Variants in FDX1 observed in about 807,000 individuals in gnomAD.
The protein encoded by FDX1 is ferredoxin 1, also known as adrenodoxin, mitochondrial.
Under a neutral mutation model 14.9 loss-of-function variants are expected in FDX1, and 9 were observed. That is an observed-to-expected ratio of 0.60 (90% confidence interval 0.36 to 1.05). FDX1 has a LOEUF of 1.05. Ranked by LOEUF, FDX1 falls within the 50% of genes least tolerant of loss-of-function variation. The probability of loss-of-function intolerance (pLI) is 0.01; values close to 1 mark genes in which losing one functional copy is unlikely to be tolerated. For missense variants in FDX1, 204 were observed against 237.2 expected (o/e 0.86, Z 0.92); for synonymous variants, 92 against 99.4 (o/e 0.93, Z 0.44).
chr11:110,430,674 A>T (rs1946324731), intron 1 of FDX1, among the ~76,000 whole-genome samples: 1 of 151,866 alleles, frequency 6.6e-6, no homozygotes, highest in Admixed American at 6.6e-5. Context: ...TCTGCCCGAA[A>T]CTGGCAGTGA....
intron 2 of FDX1, among the ~76,000 whole-genome samples, chr11:110,450,771 C>T (rs949697854): frequency 6.6e-6 from 1 of 152,106 alleles, no homozygotes; most frequent in Non-Finnish European, 1.5e-5. Context: ...TCTCATAAAA[C>T]ATCACTTTGT....
intron 2 of FDX1, among the ~76,000 whole-genome samples, chr11:110,443,847 G>C (rs949532756): frequency 6.6e-6 from 1 of 151,792 alleles, no homozygotes; most frequent in Non-Finnish European, 1.5e-5. Context: ...TTTCATGTTT[G>C]TTGGCTGCTT....
intron 1 of FDX1, among the ~76,000 whole-genome samples, chr11:110,435,447 G>A (rs1338794088): frequency 6.6e-6 from 1 of 152,234 alleles, no homozygotes; most frequent in African/African-American, 2.4e-5. Context: ...ACCAGGTGGC[G>A]TTGACCAGGT....
intron 2 of FDX1, among the ~76,000 whole-genome samples, chr11:110,455,039 C>T (rs1946513204): frequency 6.6e-6 from 1 of 152,220 alleles, no homozygotes; most frequent in Non-Finnish European, 1.5e-5. Flanking sequence ...TGGAGTCTCA[C>T]TCTGTCGCCC....
chr11:110,444,670 A>ATATATATATATACATG (rs1946429150), intron 2 of FDX1, among the ~76,000 whole-genome samples: 1 of 71,406 alleles, frequency 1.4e-5, no homozygotes, highest in African/African-American at 6.5e-5. Flanking sequence ...ATATACGTAT[A>ATATATATATATACATG]TATATATATA....
chr11:110,439,812 C>G (rs368853260), intron 2 of FDX1, among the ~76,000 whole-genome samples: 1 of 152,124 alleles, frequency 6.6e-6, no homozygotes, highest in African/African-American at 2.4e-5. Flanking sequence ...AGCTTTAGAT[C>G]TTACATTTAA....
rs1457206534 is a variant in FDX1, at chr11:110,456,031, G to A, written c.311-887G>A. 1.1e-4 allele frequency among the ~76,000 whole-genome samples: 16 copies of A among 152,154 alleles called. No individual in the cohort carries two copies. The South Asian group carries it at 2.7e-3, about 26-fold the overall frequency. On this transcript the variant is annotated intron_variant, in intron 2 of 3. Transcript: ENST00000260270. ...TAGTTCTCTCATCACAGTGTCTGGC[G>A]TACGATATGTATTCAGTAAACCACT...
At chr11:110,453,119 C>T (rs1408717216) in intron 2 of FDX1, among the ~76,000 whole-genome samples, 1 of 152,056 alleles carries the variant, frequency 6.6e-6, no homozygotes, top group Non-Finnish European at 1.5e-5. Context: ...GGCAGATCAC[C>T]TGAGGTCAGG....
chr11:110,447,726 C>T (rs188908455), intron 2 of FDX1, among the ~76,000 whole-genome samples: 78 of 152,312 alleles, frequency 5.1e-4, no homozygotes, highest in African/African-American at 1.8e-3. Context: ...AGCTTTTCAT[C>T]TATCAAATCT....
upstream of FDX1, among the ~76,000 whole-genome samples, chr11:110,429,438 G>T (rs1485356367): frequency 6.6e-6 from 1 of 152,162 alleles, no homozygotes; most frequent in Non-Finnish European, 1.5e-5. Flanking sequence ...GTTCAGTCTC[G>T]TGGGTTTCAT....
intron 2 of FDX1, among the ~76,000 whole-genome samples, chr11:110,444,168 G>C (rs1031692600): frequency 6.6e-6 from 1 of 151,970 alleles, no homozygotes; most frequent in Non-Finnish European, 1.5e-5. Flanking sequence ...TTCCTTGATT[G>C]TCTTTTTTAT....
At chr11:110,436,447 C>T (rs1471311655) in intron 2 of FDX1, among the ~76,000 whole-genome samples, 1 of 152,164 alleles carries the variant, frequency 6.6e-6, no homozygotes, top group African/African-American at 2.4e-5. Flanking sequence ...CTTCCTCAGG[C>T]GTACCCTGTA....
At chr11:110,443,304 C>A in intron 2 of FDX1, among the ~76,000 whole-genome samples, 1 of 141,964 alleles carries the variant, frequency 7.0e-6, no homozygotes, top group Admixed American at 7.2e-5. Flanking sequence ...AGGAAAATGT[C>A]TCAAGTTTTA....
At chr11:110,451,759 G>T (rs1356473262) in intron 2 of FDX1, among the ~76,000 whole-genome samples, 1 of 152,168 alleles carries the variant, frequency 6.6e-6, no homozygotes, top group Non-Finnish European at 1.5e-5. Flanking sequence ...AGCCGTAGAA[G>T]GAACAAGATC....
intron 3 of FDX1, among the ~76,000 whole-genome samples, chr11:110,457,673 T>A (rs527623103): frequency 1.3e-5 from 2 of 152,284 alleles, no homozygotes; most frequent in South Asian, 4.1e-4. Context: ...AATGAGGGCA[T>A]ATTACTTAAT....
At position 110,435,852 on chromosome 11, in the gene FDX1, A is replaced by G. The variant is rs1565379590; in HGVS notation, c.204A>G (p.Thr68=). 1 of 1,604,582 alleles carries G rather than the reference A, an allele frequency of 6.2e-7. No homozygotes were observed. The highest frequency in any genetic ancestry group is 8.5e-7 in the Non-Finnish European group (1 of 1,174,786). The part of the protein sequence containing the change: ...RARSSSEDKI[T]VHFINRDGET... ...TTTCCAGCTCAGAAGATAAAATAAC[A>G]GTCCACTTTATAAACCGTGATGGTG... Residue 68 remains threonine, a synonymous_variant, in exon 2 of 4, where the codon ACA becomes ACG. Coordinates refer to ENST00000260270, the MANE Select transcript of FDX1 (RefSeq NM_004109.5).
intron 1 of FDX1, 66 bp downstream of exon 1, chr11:110,430,371 T>C: frequency 4.6e-6 from 5 of 1,079,048 alleles, no homozygotes; most frequent in Non-Finnish European, 5.8e-6. Context: ...CGCCTGGCTC[T>C]CTGGGCCGAG....
At chr11:110,436,644 T>G (rs1357444108) in intron 2 of FDX1, among the ~76,000 whole-genome samples, 1 of 135,078 alleles carries the variant, frequency 7.4e-6, no homozygotes, top group Non-Finnish European at 1.5e-5. Flanking sequence ...CAGCATTGCA[T>G]GTTGTAACAG....
chr11:110,456,807 C>T, intron 2 of FDX1, 111 bp from the exon 3 acceptor site: 1 of 1,177,004 alleles, frequency 8.5e-7, no homozygotes, highest in Non-Finnish European at 1.2e-6. Flanking sequence ...CTGTGCCCGG[C>T]CTCACTTATG....
Sources: gnomAD v4.1 joint callset for allele counts (sites outside exome capture counted in the v4.1 genomes callset) on GRCh38, gnomAD v4.1.1 for gene constraint, MANE v1.5 for transcripts, NCBI Gene and HGNC (gene_info 2026-07-23, HGNC 2026-07-21) for gene names.